The following NALF1 variants were observed in gnomAD, a reference collection of about 807,000 sequenced individuals.
NALF1 encodes NALCN channel auxiliary factor 1.
Under a neutral mutation model 48.4 loss-of-function variants are expected in NALF1, and 3 were observed. The observed-to-expected ratio is 0.06, with a 90% CI of 0.03 to 0.16. The LOEUF (loss-of-function observed/expected upper bound fraction) is 0.16, where lower values mean the gene tolerates loss of function less well. Among genes scored for constraint, NALF1 ranks in the 10% least tolerant of loss-of-function variants. The probability of loss-of-function intolerance (pLI) is 1.00; values close to 1 mark genes in which losing one functional copy is unlikely to be tolerated. For missense variants in NALF1, 526 were observed against 571.5 expected, an observed-to-expected ratio of 0.92 and a Z score of 0.81; for synonymous variants, 262 against 245.7, an observed-to-expected ratio of 1.07 and a Z score of -0.62.
At chr13:107,847,538 T>TTACATAA (rs1880205056) in intron 1 of NALF1, among the ~76,000 whole-genome samples, 1 of 152,212 alleles carries the variant, frequency 6.6e-6, no homozygotes, top group Non-Finnish European at 1.5e-5. Flanking sequence ...TCTGTCTTAC[T>TTACATAA]GAGAAACATT....
rs185057631 is a variant in NALF1 at position 107,786,892 on chromosome 13, G to A, written c.915+78790C>T. ...ACTGATGCTACAGGTCCACTTCTAG[G>A]AGCTGAGAGCGGAGCAAACAATGTT... On this transcript the variant is annotated intron_variant, in intron 1 of 2. Coordinates refer to ENST00000375915, the MANE Select transcript of NALF1 (RefSeq NM_001080396.3). 2.2e-3 allele frequency among the ~76,000 whole-genome samples: 342 copies of A among 152,262 alleles called. 4 individuals carry two copies. Among genetic ancestry groups the A allele is most frequent in the African/African-American group, 7.7e-3 (321 of 41,536 alleles).
chr13:107,357,395 C>T (rs1434445349), intron 1 of NALF1, among the ~76,000 whole-genome samples: 2 of 152,132 alleles, frequency 1.3e-5, no homozygotes, highest in Non-Finnish European at 2.9e-5. Flanking sequence ...CACTTGGTCC[C>T]TCCCCTGACA....
intron 1 of NALF1, among the ~76,000 whole-genome samples, chr13:107,218,395 G>A (rs867304173): frequency 4.6e-5 from 7 of 152,246 alleles, no homozygotes; most frequent in Middle Eastern, 3.4e-3. Context: ...GAAATTTACC[G>A]TCAGTGGAAT....
chr13:107,428,136 C>T (rs1884311434), intron 1 of NALF1, among the ~76,000 whole-genome samples: 1 of 152,154 alleles, frequency 6.6e-6, no homozygotes, highest in Non-Finnish European at 1.5e-5. Flanking sequence ...TAAAACAGAG[C>T]TGCCTCTGGC....
chr13:107,274,771 T>C (rs763316408), intron 1 of NALF1, among the ~76,000 whole-genome samples: 3 of 152,130 alleles, frequency 2.0e-5, no homozygotes, highest in Non-Finnish European at 4.4e-5. Context: ...CCCTTTAGTA[T>C]TATATTGGCA....
At chr13:107,394,494 T>C (rs1401823893) in intron 1 of NALF1, among the ~76,000 whole-genome samples, 1 of 152,168 alleles carries the variant, frequency 6.6e-6, no homozygotes, top group Non-Finnish European at 1.5e-5. Flanking sequence ...CAAGACAAAG[T>C]TGTAAACTGG....
intron 1 of NALF1, among the ~76,000 whole-genome samples, chr13:107,280,780 T>A (rs1881371766): frequency 6.6e-6 from 1 of 152,328 alleles, no homozygotes; most frequent in African/African-American, 2.4e-5. Flanking sequence ...TTGTATCTCT[T>A]TATTTGTACT....
chr13:107,350,645 G>A (rs950603070), intron 1 of NALF1, among the ~76,000 whole-genome samples: 1 of 152,212 alleles, frequency 6.6e-6, no homozygotes, highest in African/African-American at 2.4e-5. Context: ...TGTCTTCATT[G>A]AGGTAGAATG....
intron 1 of NALF1, among the ~76,000 whole-genome samples, chr13:107,499,863 C>T (rs1218015598): frequency 6.6e-6 from 1 of 151,984 alleles, no homozygotes; most frequent in African/African-American, 2.4e-5. Context: ...TTATCTAGTA[C>T]AATTTTTATT....
chr13:107,796,303 A>T (rs1262055889), intron 1 of NALF1, among the ~76,000 whole-genome samples: 1 of 152,138 alleles, frequency 6.6e-6, no homozygotes, highest in Non-Finnish European at 1.5e-5. Flanking sequence ...ATTTGTCAAC[A>T]TTTATCTTTT....
intron 1 of NALF1, among the ~76,000 whole-genome samples, chr13:107,365,410 C>T (rs141925383): frequency 3.7e-4 from 56 of 152,152 alleles, no homozygotes; most frequent in African/African-American, 1.3e-3. Flanking sequence ...ACAGCCCTGC[C>T]GAGAAACTTC....
At chr13:107,721,718 C>T (rs985581408) in intron 1 of NALF1, among the ~76,000 whole-genome samples, 9 of 152,098 alleles carry the variant, frequency 5.9e-5, no homozygotes, top group African/African-American at 1.7e-4. Context: ...GGGGAGATCC[C>T]CCATTTGCAT....
Position 107,168,812 on chromosome 13 carries a change from C to T in NALF1, c.*1685G>A, listed in dbSNP as rs943319776. On this transcript the variant is annotated 3_prime_UTR_variant, in exon 3 of 3. Transcript: ENST00000375915. ...GTCTGTTTGAACAAAAACAAATGCCCGGGGAAATTTCATAGCTATAAAGTT... is the reference window on the plus strand; with the variant it reads ...GTCTGTTTGAACAAAAACAAATGCCTGGGGAAATTTCATAGCTATAAAGTT... 3.9e-5 allele frequency: 6 copies of T among 152,350 alleles called. No homozygotes were observed. Among genetic ancestry groups the T allele is most frequent in the Middle Eastern group, 3.2e-3 (1 of 316 alleles). The allele number at this position is 152,350 out of a possible 1,614,324, so 9.4% of individuals were successfully genotyped here. A position where few individuals can be genotyped will look rare whatever the true frequency, so the allele number is the denominator to read the frequency against.
chr13:107,499,933 A>G lies in NALF1; in HGVS notation c.916-289178T>C, dbSNP rs1253433155. ...TATTGTTTCTCTGAGGGAACTCATTATCTTTAAAACTCATTCTAATATTCC... is the reference window on the plus strand; with the variant it reads ...TATTGTTTCTCTGAGGGAACTCATTGTCTTTAAAACTCATTCTAATATTCC... On this transcript the variant is annotated intron_variant, in intron 1 of 2. Transcript: ENST00000375915. 1.1e-4 allele frequency among the ~76,000 whole-genome samples: 17 copies of G among 152,176 alleles called. 1 individual carries two copies.
At chr13:107,803,038 C>T (rs1878668713) in intron 1 of NALF1, among the ~76,000 whole-genome samples, 1 of 152,172 alleles carries the variant, frequency 6.6e-6, no homozygotes, top group African/African-American at 2.4e-5. Context: ...CCTGAAAAAT[C>T]TCAATTTTGG....
At chr13:107,599,897 T>C (rs974028110) in intron 1 of NALF1, among the ~76,000 whole-genome samples, 3 of 152,188 alleles carry the variant, frequency 2.0e-5, no homozygotes, top group Non-Finnish European at 2.9e-5. Context: ...ATAAAATATA[T>C]CTAGTTGTGT....
chr13:107,266,726 CA>C (rs1169204466), intron 1 of NALF1, among the ~76,000 whole-genome samples: 2 of 151,926 alleles, frequency 1.3e-5, no homozygotes, highest in East Asian at 3.9e-4. Context: ...TTTTTAGGGT[CA>C]AAAAAACCCA....
At chr13:107,604,930 T>C (rs1879025246) in intron 1 of NALF1, among the ~76,000 whole-genome samples, 1 of 152,188 alleles carries the variant, frequency 6.6e-6, no homozygotes, top group Non-Finnish European at 1.5e-5. Flanking sequence ...GTGCTTACTA[T>C]GTGCCAGACC....
At chr13:107,178,959 A>AAAC in intron 2 of NALF1, among the ~76,000 whole-genome samples, 1 of 151,048 alleles carries the variant, frequency 6.6e-6, no homozygotes, top group Non-Finnish European at 1.5e-5. Flanking sequence ...AACAAACAAA[A>AAAC]AAAAAAAACA....
Sources: gnomAD v4.1 joint callset for allele counts (sites outside exome capture counted in the v4.1 genomes callset) on GRCh38, gnomAD v4.1.1 for gene constraint, MANE v1.5 for transcripts, NCBI Gene and HGNC (gene_info 2026-07-23, HGNC 2026-07-21) for gene names.